The following CCDC7 variants were observed in gnomAD, a reference collection of about 807,000 sequenced individuals.
CCDC7 encodes the protein coiled-coil domain containing 7, also known as coiled-coil domain-containing protein 7.
In CCDC7, 183 loss-of-function variants were observed where a neutral mutation model predicts 196.9. The observed-to-expected ratio is 0.93, with a 90% CI of 0.82 to 1.05. The LOEUF is 1.05. CCDC7 is among the 50% of genes least tolerant of loss of function. The pLI, the probability that CCDC7 is intolerant of heterozygous loss-of-function variation, is 0.00. For synonymous variants in CCDC7, 525 were observed against 484.6 expected (o/e 1.08, Z -1.10); for missense variants, 1,540 against 1,482.2 (o/e 1.04, Z -0.64).
At chr10:32,696,321 A>AGG (rs2077719709) in intron 24 of CCDC7, among the ~76,000 whole-genome samples, 1 of 152,088 alleles carries the variant, frequency 6.6e-6, no homozygotes, top group African/African-American at 2.4e-5. Flanking sequence ...CCTCATTCTC[A>AGG]TGCCAGGGAT....
chr10:32,711,115 G>GGT (rs201148511), intron 24 of CCDC7, among the ~76,000 whole-genome samples: 3 of 145,852 alleles, frequency 2.1e-5, no homozygotes, highest in East Asian at 2.0e-4. Context: ...CATTGTTTCT[G>GGT]GTGTGTGTGT....
chr10:32,553,114 T>A (rs939790742), intron 13 of CCDC7, among the ~76,000 whole-genome samples: 5 of 141,386 alleles, frequency 3.5e-5, no homozygotes, highest in African/African-American at 1.5e-4. Context: ...TTTTTTTTTT[T>A]TTTTAATTCT....
At chr10:32,507,665 G>A (rs1167035733) in intron 9 of CCDC7, among the ~76,000 whole-genome samples, 2 of 151,706 alleles carry the variant, frequency 1.3e-5, no homozygotes, top group African/African-American at 2.4e-5. Flanking sequence ...TGACCAGGCT[G>A]GTCTTGAACT....
chr10:32,609,458 A>C (rs1035118634), intron 18 of CCDC7, among the ~76,000 whole-genome samples: 2 of 146,898 alleles, frequency 1.4e-5, no homozygotes, highest in African/African-American at 5.5e-5. Context: ...TTTGCATGGA[A>C]TTTTTAAATT....
At chr10:32,513,815 G>A (rs112162298) in intron 9 of CCDC7, 1 of 152,084 alleles carries the variant, frequency 6.6e-6, no homozygotes, top group Non-Finnish European at 1.5e-5. Flanking sequence ...ATGATACAAA[G>A]TTCCACAAAC....
intron 18 of CCDC7, among the ~76,000 whole-genome samples, chr10:32,592,578 C>A (rs1187421294): frequency 1.3e-5 from 2 of 151,772 alleles, no homozygotes; most frequent in Non-Finnish European, 2.9e-5. Context: ...ACTTTAAGTT[C>A]TAGGGTACAT....
chr10:32,631,512 G>A (rs1175097896), intron 18 of CCDC7, among the ~76,000 whole-genome samples: 1 of 152,140 alleles, frequency 6.6e-6, no homozygotes, highest in East Asian at 1.9e-4. Context: ...TTATGTATAT[G>A]CCTTTGCTTA....
At chr10:32,829,783 T>TCTG (rs2091900454) in intron 32 of CCDC7, among the ~76,000 whole-genome samples, 1 of 151,940 alleles carries the variant, frequency 6.6e-6, no homozygotes, top group Non-Finnish European at 1.5e-5. Context: ...TGTGAGGGTG[T>TCTG]TGCCAAAGGG....
intron 28 of CCDC7, among the ~76,000 whole-genome samples, chr10:32,735,667 TTTTA>T (rs1203707146): frequency 6.6e-6 from 1 of 152,186 alleles, no homozygotes; most frequent in Non-Finnish European, 1.5e-5. Flanking sequence ...AGCAGAATGT[TTTTA>T]TTTTAGTAAG....
At chr10:32,713,719 A>G (rs1232774129) in intron 25 of CCDC7, among the ~76,000 whole-genome samples, 1 of 152,134 alleles carries the variant, frequency 6.6e-6, no homozygotes, top group East Asian at 1.9e-4. Context: ...TTGGTGACCA[A>G]TCTCATAGAT....
At chr10:32,542,649 A>AG (rs2051671370) in intron 11 of CCDC7, among the ~76,000 whole-genome samples, 1 of 151,382 alleles carries the variant, frequency 6.6e-6, no homozygotes, top group South Asian at 2.1e-4. Flanking sequence ...AAAAAAAAAA[A>AG]AAAAGCAGAA....
intron 15 of CCDC7, among the ~76,000 whole-genome samples, chr10:32,569,116 C>T (rs974384346): frequency 1.3e-5 from 2 of 152,138 alleles, no homozygotes; most frequent in East Asian, 1.9e-4. Flanking sequence ...TTTATATATA[C>T]ATCAATACAC....
At chr10:32,678,648 T>C (rs542199128) in intron 21 of CCDC7, among the ~76,000 whole-genome samples, 4 of 152,268 alleles carry the variant, frequency 2.6e-5, no homozygotes, top group African/African-American at 9.6e-5. Context: ...TGGTGCAGTA[T>C]AAGTAGGCCT....
At chr10:32,508,146 C>T (rs1269653258) in intron 9 of CCDC7, among the ~76,000 whole-genome samples, 2 of 152,120 alleles carry the variant, frequency 1.3e-5, no homozygotes, top group African/African-American at 4.8e-5. Flanking sequence ...CTTCCCCCAC[C>T]CCCATCAAAT....
At chr10:32,818,896 TA>T (rs1273850976) in intron 31 of CCDC7, among the ~76,000 whole-genome samples, 1 of 151,870 alleles carries the variant, frequency 6.6e-6, no homozygotes, top group East Asian at 1.9e-4. Context: ...ACGTCACAAT[TA>T]AAAGAACTAG....
At chr10:32,802,614 A>T (rs1365525090) in intron 29 of CCDC7, among the ~76,000 whole-genome samples, 1 of 152,206 alleles carries the variant, frequency 6.6e-6, no homozygotes, top group Non-Finnish European at 1.5e-5. Context: ...ATTGACTCAC[A>T]CAATCAAAAG....
intron 24 of CCDC7, among the ~76,000 whole-genome samples, chr10:32,701,384 A>C (rs1439396776): frequency 6.6e-6 from 1 of 152,176 alleles, no homozygotes; most frequent in African/African-American, 2.4e-5. Context: ...ATCATGGTGG[A>C]TAAGCTTTCT....
At chr10:32,662,177 C>G (rs1434036699) in intron 20 of CCDC7, among the ~76,000 whole-genome samples, 1 of 152,138 alleles carries the variant, frequency 6.6e-6, no homozygotes, top group East Asian at 1.9e-4. Flanking sequence ...CACTGTTTCT[C>G]TCAAAGAGCA....
At chr10:32,726,622 G>GA in intron 25 of CCDC7, 112 bp from the exon 27 acceptor site, 2 of 523,982 alleles carry the variant, frequency 3.8e-6, no homozygotes, top group Admixed American at 3.9e-5. Context: ...ATAAAAATGA[G>GA]AAAAAATATT....
Sources: gnomAD v4.1 joint callset for allele counts (sites outside exome capture counted in the v4.1 genomes callset) on GRCh38, gnomAD v4.1.1 for gene constraint, MANE v1.5 for transcripts, NCBI Gene and HGNC (gene_info 2026-07-23, HGNC 2026-07-21) for gene names.